The following GLRA3 variants were observed in gnomAD, a reference collection of about 807,000 sequenced individuals.
GLRA3 encodes glycine receptor subunit alpha-3.
In GLRA3, 44 loss-of-function variants were observed where a neutral mutation model predicts 60.4. The observed-to-expected ratio is 0.73, with a 90% CI of 0.57 to 0.94. The LOEUF (loss-of-function observed/expected upper bound fraction) is 0.94, where lower values mean the gene tolerates loss of function less well. GLRA3 is among the 40% of genes least tolerant of loss of function. GLRA3 has a pLI of 0.00. For missense variants in GLRA3, 508 were observed against 564.6 expected (o/e 0.90, Z 1.02); for synonymous variants, 223 against 192.9 (o/e 1.16, Z -1.29).
At chr4:174,777,961 A>G (rs1014288193) in intron 2 of GLRA3, among the ~76,000 whole-genome samples, 1 of 152,104 alleles carries the variant, frequency 6.6e-6, no homozygotes, top group Non-Finnish European at 1.5e-5. Flanking sequence ...ATTTTATTTT[A>G]TTTTGTTTTT....
rs888073956 is a variant in GLRA3 at position 174,717,320 on chromosome 4, GAAGAAACA to G, written c.492-1758_492-1751del. ...AAAGAAAAAGAAAGAAGGAAAGAAA[GAAGAAACA>G]AAGAAACAAAGAAAGGAGGGAGGAA... On this transcript the variant is annotated intron_variant, in intron 4 of 9. Coordinates refer to ENST00000274093, the MANE Select transcript of GLRA3 (RefSeq NM_006529.4). 6.2e-5 allele frequency among the ~76,000 whole-genome samples: 9 copies of G among 144,864 alleles called. No homozygotes were observed. The South Asian group carries it at 1.1e-3, about 18-fold the overall frequency.
At chr4:174,688,700 T>C (rs1000247896) in intron 5 of GLRA3, among the ~76,000 whole-genome samples, 5 of 151,602 alleles carry the variant, frequency 3.3e-5, no homozygotes, top group African/African-American at 1.2e-4. Context: ...CATTGACTTA[T>C]ATGTTGAAGG....
At chr4:174,670,757 G>A (rs1289597778) in intron 7 of GLRA3, among the ~76,000 whole-genome samples, 1 of 151,998 alleles carries the variant, frequency 6.6e-6, no homozygotes, top group Non-Finnish European at 1.5e-5. Context: ...AGTAAAGTAG[G>A]TCCTAAGTAG....
At chr4:174,738,780 C>T (rs1736896206) in intron 3 of GLRA3, among the ~76,000 whole-genome samples, 1 of 152,158 alleles carries the variant, frequency 6.6e-6, no homozygotes, top group Admixed American at 6.5e-5. Context: ...AGCATCTTTA[C>T]CAGTGGTGTA....
chr4:174,688,054 T>C (rs543511282), intron 5 of GLRA3, among the ~76,000 whole-genome samples: 4 of 151,868 alleles, frequency 2.6e-5, no homozygotes, highest in African/African-American at 9.7e-5. Context: ...ACAAGGATTA[T>C]AAGTCAGAGG....
chr4:174,738,016 G>GA (rs953257573), intron 3 of GLRA3, among the ~76,000 whole-genome samples: 3 of 151,778 alleles, frequency 2.0e-5, no homozygotes, highest in African/African-American at 7.3e-5. Flanking sequence ...TTATGTCAAA[G>GA]AAAAAAAATA....
At chr4:174,693,732 C>T (rs754478971) in intron 5 of GLRA3, among the ~76,000 whole-genome samples, 26 of 151,926 alleles carry the variant, frequency 1.7e-4, no homozygotes, top group African/African-American at 1.7e-4. Flanking sequence ...ATCTGTAAAT[C>T]GCTTTGGGCT....
chr4:174,691,965 G>A (rs571400281), intron 5 of GLRA3, among the ~76,000 whole-genome samples: 135 of 151,976 alleles, frequency 8.9e-4, no homozygotes, highest in Admixed American at 2.2e-3. Context: ...CTGCCCGGCC[G>A]CCCATCGTCT....
chr4:174,757,300 TC>T (rs1413215898), intron 3 of GLRA3, among the ~76,000 whole-genome samples: 1 of 150,384 alleles, frequency 6.6e-6, no homozygotes, highest in African/African-American at 2.5e-5. Context: ...CACACACACT[TC>T]CAAGCTCTGT....
intron 1 of GLRA3, among the ~76,000 whole-genome samples, chr4:174,826,763 C>CT (rs766154158): frequency 7.9e-5 from 12 of 151,810 alleles, no homozygotes; most frequent in Non-Finnish European, 1.3e-4. Flanking sequence ...TTGTTTTCAT[C>CT]TTTTTTCTTG....
chr4:174,686,510 G>A lies in GLRA3; in HGVS notation c.575-3571C>T, dbSNP rs143043481. 9.9e-4 allele frequency among the ~76,000 whole-genome samples: 151 copies of A among 152,308 alleles called. 1 individual carries two copies. The highest frequency in any genetic ancestry group is 3.5e-3 in the African/African-American group (147 of 41,564). ...AAAACATGTAAACCAATGGCTCAGGGCAACCAAACGCTTGTTTTACCAAAT... is the reference window on the plus strand; with the variant it reads ...AAAACATGTAAACCAATGGCTCAGGACAACCAAACGCTTGTTTTACCAAAT... On this transcript the variant is annotated intron_variant, in intron 5 of 9. Transcript: ENST00000274093.
intron 3 of GLRA3, among the ~76,000 whole-genome samples, chr4:174,754,297 A>G (rs1322575075): frequency 6.6e-6 from 1 of 152,136 alleles, no homozygotes; most frequent in East Asian, 1.9e-4. Flanking sequence ...ATTGATGCTT[A>G]TATGTGATAG....
intron 2 of GLRA3, among the ~76,000 whole-genome samples, chr4:174,772,672 T>C (rs1738438918): frequency 6.6e-6 from 1 of 152,166 alleles, no homozygotes; most frequent in South Asian, 2.1e-4. Context: ...TCATAGAGTC[T>C]CCTCAATGTA....
At chr4:174,707,942 G>GC (rs1735573792) in intron 5 of GLRA3, among the ~76,000 whole-genome samples, 1 of 152,226 alleles carries the variant, frequency 6.6e-6, no homozygotes, top group Non-Finnish European at 1.5e-5. Context: ...GAAGAGAATG[G>GC]CCATTGGTGT....
chr4:174,662,136 A>C (rs2110899502), intron 7 of GLRA3, among the ~76,000 whole-genome samples: 1 of 152,324 alleles, frequency 6.6e-6, no homozygotes, highest in Non-Finnish European at 1.5e-5. Context: ...TTAAGGAAGC[A>C]TATCTTGCAA....
rs376020310 is a variant in GLRA3, at chr4:174,715,509, A to G, written c.553T>C (p.Cys185Arg). The stretch of plus-strand genomic sequence containing the variant: ...TTACAGCTTTCCAGTTGCATTATAC[A>G]TGTTTGTACATCCATGGGAAAATTC... ...LKNFPMDVQT[C>R]IMQLESFGYT... The change falls in exon 5 of 10, where the codon TGT becomes CGT. Residue 185 changes from cysteine (C) to arginine (R), a missense_variant. Around this residue, in one of 3 missense-constraint regions of GLRA3, gnomAD observed 329 missense variants for 349.3 expected, o/e 0.94. Coordinates refer to ENST00000274093, the MANE Select transcript of GLRA3 (RefSeq NM_006529.4). The G allele has an allele frequency of 1.9e-6, 3 of 1,543,120 alleles. No individual in the cohort carries two copies. Among genetic ancestry groups the G allele is most frequent in the Non-Finnish European group, 2.7e-6 (3 of 1,118,552 alleles).
At chr4:174,814,060 A>AG (rs5864291) in intron 1 of GLRA3, among the ~76,000 whole-genome samples, 3 of 152,030 alleles carry the variant, frequency 2.0e-5, no homozygotes, top group Non-Finnish European at 2.9e-5. Context: ...AGCAGCATCA[A>AG]GGGGGGGTAT....
At chr4:174,664,987 CACAT>C (rs1733600724) in intron 7 of GLRA3, among the ~76,000 whole-genome samples, 1 of 151,986 alleles carries the variant, frequency 6.6e-6, no homozygotes, top group Non-Finnish European at 1.5e-5. Context: ...TAAAAGCAAA[CACAT>C]ACATAAGATA....
intron 3 of GLRA3, among the ~76,000 whole-genome samples, chr4:174,743,327 T>G (rs996974467): frequency 6.6e-6 from 1 of 152,176 alleles, no homozygotes; most frequent in Admixed American, 6.5e-5. Flanking sequence ...GGATCTAATC[T>G]AGGATCCCAC....
Sources: allele counts gnomAD v4.1 joint callset (sites outside exome capture counted in the v4.1 genomes callset), GRCh38; gene constraint gnomAD v4.1.1; regional missense constraint gnomAD v4.1.1; transcripts MANE v1.5; gene names NCBI Gene and HGNC (gene_info 2026-07-23, HGNC 2026-07-21).